ARG2: variants seen among roughly 807,000 people sequenced by gnomAD.
ARG2 encodes arginase 2.
Under a neutral mutation model 39.4 loss-of-function variants are expected in ARG2, and 21 were observed. The ratio of observed to expected loss-of-function variants is 0.53; its 90% confidence interval spans 0.38 to 0.77. The LOEUF is 0.77. Among genes scored for constraint, ARG2 ranks in the 30% least tolerant of loss-of-function variants. ARG2 has a pLI of 0.00. For missense variants in ARG2, 378 were observed against 426.2 expected, an observed-to-expected ratio of 0.89 and a Z score of 1.00; for synonymous variants, 150 against 156.7, an observed-to-expected ratio of 0.96 and a Z score of 0.32.
Position 67,619,970 on chromosome 14 carries a change from TGCGGA to T in ARG2, c.-7_-3del, listed in dbSNP as rs1566792461. ...CCTCTGCCTTGGAGATTCTCAGTGC[TGCGGA>T]TCATGTCCCTAAGGGGCAGCCTCTC... On this transcript the variant is annotated 5_prime_UTR_variant, in exon 1 of 8. Transcript: ENST00000261783. The T allele has an allele frequency of 1.3e-6, 2 of 1,577,188 alleles. No individual in the cohort carries two copies. The highest frequency in any genetic ancestry group is 1.7e-6 in the Non-Finnish European group (2 of 1,160,838).
At chr14:67,645,622 G>T in intron 3 of ARG2, 21 bp from the exon 4 acceptor site, 1 of 1,609,136 alleles carries the variant, frequency 6.2e-7, no homozygotes. Flanking sequence ...GGGCCTTCAA[G>T]ATTATACTTG....
Position 67,651,395 on chromosome 14 carries a change from C to T in ARG2, c.*475C>T, listed in dbSNP as rs747340036. The T allele has an allele frequency of 2.5e-5, 40 of 1,613,562 alleles. No homozygotes were observed. The highest frequency in any genetic ancestry group is 1.1e-4 in the East Asian group (5 of 44,868). On this transcript the variant is annotated 3_prime_UTR_variant, in exon 8 of 8. Coordinates refer to ENST00000261783, the MANE Select transcript of ARG2 (RefSeq NM_001172.4). ...CTTCCCTATAGAAGTTCAATGGCTG[C>T]GAAAGAATTTGTAGTAAACCAGGCC... is the stretch of plus-strand genomic sequence containing the variant.
chr14:67,647,050 G>A, intron 6 of ARG2, 25 bp downstream of exon 6: 1 of 1,465,512 alleles, frequency 6.8e-7, no homozygotes, highest in African/African-American at 1.4e-5. Context: ...CTGATGTCAG[G>A]GCAAACCCCC....
chr14:67,648,426 A>G, intron 7 of ARG2: 1 of 338,614 alleles, frequency 3.0e-6, no homozygotes, highest in Middle Eastern at 8.1e-4. Flanking sequence ...GTATATTTAA[A>G]CAATTAAATA....
intron 2 of ARG2, among the ~76,000 whole-genome samples, chr14:67,640,671 C>T (rs2037020544): frequency 6.6e-6 from 1 of 152,188 alleles, no homozygotes. Flanking sequence ...AATACCAGGA[C>T]CCTAAGAATA....
At chr14:67,634,115 C>G (rs2036945995) in intron 2 of ARG2, among the ~76,000 whole-genome samples, 1 of 152,144 alleles carries the variant, frequency 6.6e-6, no homozygotes, top group Non-Finnish European at 1.5e-5. Context: ...AAAAAGGAAG[C>G]AAAGCATCTT....
chr14:67,643,870 A>C (rs1229674330), intron 3 of ARG2, among the ~76,000 whole-genome samples: 1 of 148,464 alleles, frequency 6.7e-6, no homozygotes, highest in East Asian at 2.0e-4. Flanking sequence ...AAAAAAAAAA[A>C]AAAAAAAAAA....
At chr14:67,621,306 T>C (rs2036808062) in intron 2 of ARG2, among the ~76,000 whole-genome samples, 1 of 152,188 alleles carries the variant, frequency 6.6e-6, no homozygotes, top group Non-Finnish European at 1.5e-5. Flanking sequence ...TTGAGATGCT[T>C]ATGATTTATC....
intron 2 of ARG2, among the ~76,000 whole-genome samples, chr14:67,633,022 A>C (rs1040600510): frequency 6.6e-6 from 1 of 151,554 alleles, no homozygotes; most frequent in African/African-American, 2.4e-5. Context: ...GTGTTTCACC[A>C]TGTTAGCCAG....
intron 2 of ARG2, among the ~76,000 whole-genome samples, chr14:67,628,492 A>G (rs2036889258): frequency 6.6e-6 from 1 of 152,254 alleles, no homozygotes; most frequent in African/African-American, 2.4e-5. Flanking sequence ...AATAGACACT[A>G]TTGGGATTTG....
At chr14:67,633,206 G>GT (rs1209072109) in intron 2 of ARG2, among the ~76,000 whole-genome samples, 1 of 152,002 alleles carries the variant, frequency 6.6e-6, no homozygotes, top group Non-Finnish European at 1.5e-5. Context: ...TTGTTTTTAA[G>GT]TTTGAGTTGA....
At chr14:67,627,557 A>G (rs1299154181) in intron 2 of ARG2, among the ~76,000 whole-genome samples, 1 of 152,150 alleles carries the variant, frequency 6.6e-6, no homozygotes, top group African/African-American at 2.4e-5. Context: ...GGTTGACTCA[A>G]CAGCAAATAT....
chr14:67,640,863 A>G (rs778330962), intron 2 of ARG2, among the ~76,000 whole-genome samples: 11 of 152,222 alleles, frequency 7.2e-5, no homozygotes, highest in South Asian at 6.2e-4. Context: ...GACAAACTGC[A>G]TAGTAAAGGA....
At chr14:67,631,174 A>G (rs1218793349) in intron 2 of ARG2, among the ~76,000 whole-genome samples, 3 of 151,910 alleles carry the variant, frequency 2.0e-5, no homozygotes, top group Admixed American at 2.0e-4. Flanking sequence ...TTGTCCAGTT[A>G]TTTTGTTTTT....
chr14:67,649,057 C>T (rs1489519948), intron 7 of ARG2: 3 of 152,152 alleles, frequency 2.0e-5, no homozygotes, highest in African/African-American at 7.2e-5. Flanking sequence ...CTCAGATCTG[C>T]AATCTTAGAT....
At chr14:67,645,091 TG>T (rs2037079897) in intron 3 of ARG2, among the ~76,000 whole-genome samples, 1 of 115,752 alleles carries the variant, frequency 8.6e-6, no homozygotes, top group African/African-American at 3.0e-5. Context: ...AGGTCTTTAA[TG>T]GTTTACCCTG....
chr14:67,636,452 C>T (rs553094364), intron 2 of ARG2, among the ~76,000 whole-genome samples: 1 of 152,334 alleles, frequency 6.6e-6, no homozygotes, highest in East Asian at 1.9e-4. Context: ...ATCTGTAGAG[C>T]GTGTAGCACA....
At chr14:67,647,217 C>G in intron 6 of ARG2, 192 bp downstream of exon 6, 1 of 500,990 alleles carries the variant, frequency 2.0e-6, no homozygotes, top group Non-Finnish European at 3.5e-6. Context: ...GAGGTTTCCT[C>G]TAAATCATTG....
At position 67,642,219 on chromosome 14, in the gene ARG2, T is replaced by A. The variant is rs2037040194; in HGVS notation, c.218T>A (p.Phe73Tyr). Reference sequence around the variant, plus strand: ...CTAAAAGACTTTGGAGATTTGAGTTTTACTCCAGTCCCCAAAGATGATCTC... The same window carrying A: ...CTAAAAGACTTTGGAGATTTGAGTTATACTCCAGTCCCCAAAGATGATCTC... ...CHLKDFGDLS[F>Y]TPVPKDDLYN... The change falls in exon 3 of 8, where the codon TTT becomes TAT. Residue 73 changes from phenylalanine (F) to tyrosine (Y), a missense_variant. Transcript: ENST00000261783. The A allele has an allele frequency of 6.2e-7, 1 of 1,614,118 alleles. No individual in the cohort carries two copies. Among genetic ancestry groups the A allele is most frequent in the East Asian group, 2.2e-5 (1 of 44,886 alleles).
Sources: allele counts gnomAD v4.1 joint callset (sites outside exome capture counted in the v4.1 genomes callset), GRCh38; gene constraint gnomAD v4.1.1; transcripts MANE v1.5; gene names NCBI Gene and HGNC (gene_info 2026-07-23, HGNC 2026-07-21).